Variants in VWC2 observed in about 807,000 individuals in gnomAD.
VWC2 encodes brorin.
In VWC2, 14 loss-of-function variants were observed where a neutral mutation model predicts 29.8. That is an observed-to-expected ratio of 0.47 (90% CI 0.31 to 0.74). The LOEUF is 0.74. Ranked by LOEUF, VWC2 falls within the 30% of genes least tolerant of loss-of-function variation. VWC2 has a pLI of 0.05. For missense variants in VWC2, 457 were observed against 459.8 expected (o/e 0.99, Z 0.05); for synonymous variants, 213 against 199.0 (o/e 1.07, Z -0.59).
At chr7:49,908,597 C>A (rs961501632) in intron 3 of VWC2, among the ~76,000 whole-genome samples, 16 of 151,716 alleles carry the variant, frequency 1.1e-4, no homozygotes, top group African/African-American at 3.9e-4. Context: ...TATCTGTGCC[C>A]ACCAAGAAGG....
At chr7:49,904,653 G>T (rs1229316666) in intron 3 of VWC2, among the ~76,000 whole-genome samples, 1 of 151,368 alleles carries the variant, frequency 6.6e-6, no homozygotes, top group African/African-American at 2.4e-5. Context: ...TATTCAAAAA[G>T]AACTTACCTA....
chr7:49,831,886 TC>T (rs1167599286), intron 3 of VWC2, among the ~76,000 whole-genome samples: 1 of 152,210 alleles, frequency 6.6e-6, no homozygotes, highest in Non-Finnish European at 1.5e-5. Flanking sequence ...AGAGTTTCTT[TC>T]TTTCACAGAC....
chr7:49,884,698 C>G (rs2128728297), intron 3 of VWC2, among the ~76,000 whole-genome samples: 1 of 152,232 alleles, frequency 6.6e-6, no homozygotes, highest in Non-Finnish European at 1.5e-5. Context: ...GTGTCAACAC[C>G]TGTGAGATTT....
chr7:49,795,316 C>G (rs1788563659), intron 2 of VWC2, among the ~76,000 whole-genome samples: 1 of 152,138 alleles, frequency 6.6e-6, no homozygotes, highest in Non-Finnish European at 1.5e-5. Flanking sequence ...TTAAAGAAGA[C>G]ATTGACAGAG....
chr7:49,815,194 C>T (rs185837704), intron 3 of VWC2, among the ~76,000 whole-genome samples: 172 of 152,240 alleles, frequency 1.1e-3, no homozygotes, highest in African/African-American at 4.1e-3. Flanking sequence ...CTTTAATGAT[C>T]TCACAGTCTA....
intron 3 of VWC2, among the ~76,000 whole-genome samples, chr7:49,902,692 A>T (rs538590197): frequency 6.6e-6 from 1 of 152,180 alleles, no homozygotes; most frequent in South Asian, 2.1e-4. Flanking sequence ...TTTAGGACGT[A>T]GGGCTTCTTG....
In VWC2 at chr7:49,915,020, G is replaced by A. The variant is rs2128744564; in HGVS notation, c.*2835G>A. On this transcript the variant is annotated 3_prime_UTR_variant, in exon 4 of 4. Coordinates refer to ENST00000340652, the MANE Select transcript of VWC2 (RefSeq NM_198570.5). ...ATTTCAAATTTTCAACCCATATTTA[G>A]ATCTGAAAGTATAAAGCTACTTATG... 1.3e-5 allele frequency: 2 copies of A among 152,260 alleles called. No individual in the cohort carries two copies. Among genetic ancestry groups the A allele is most frequent in the Admixed American group, 1.3e-4 (2 of 15,290 alleles). The allele number at this position is 152,260 out of a possible 1,614,324, so 9.4% of individuals were successfully genotyped here.
chr7:49,909,358 C>T (rs770023762), intron 3 of VWC2, among the ~76,000 whole-genome samples: 1 of 61,502 alleles, frequency 1.6e-5, no homozygotes, highest in Non-Finnish European at 3.4e-5. Flanking sequence ...ACAGCTCGAG[C>T]CAAAATATGA....
At chr7:49,818,714 G>C (rs936971279) in intron 3 of VWC2, among the ~76,000 whole-genome samples, 2 of 150,830 alleles carry the variant, frequency 1.3e-5, no homozygotes, top group African/African-American at 4.9e-5. Context: ...AAGTAAAATT[G>C]AAGATAAAAA....
chr7:49,823,656 G>T (rs1241528446), intron 3 of VWC2, among the ~76,000 whole-genome samples: 1 of 152,172 alleles, frequency 6.6e-6, no homozygotes, highest in Admixed American at 6.5e-5. Flanking sequence ...AGTAGATGTG[G>T]TGGTGGCTTA....
rs540731314 is a variant in VWC2 at position 49,782,227 on chromosome 7, C to A, written c.696+6096C>A. ...ATTTGTTTTCCAGCTGACCACACCCCCCTTGCAGATGTGTGATTCACCCAT... is the reference window on the plus strand; with the variant it reads ...ATTTGTTTTCCAGCTGACCACACCCACCTTGCAGATGTGTGATTCACCCAT... On this transcript the variant is annotated intron_variant, in intron 2 of 3. Transcript: ENST00000340652. 3.9e-5 allele frequency among the ~76,000 whole-genome samples: 6 copies of A among 152,288 alleles called. No individual in the cohort carries two copies. The South Asian group carries it at 1.2e-3, about 32-fold the overall frequency.
At chr7:49,846,351 G>T (rs1303021937) in intron 3 of VWC2, among the ~76,000 whole-genome samples, 1 of 152,186 alleles carries the variant, frequency 6.6e-6, no homozygotes, top group Non-Finnish European at 1.5e-5. Flanking sequence ...TCTGTGATCT[G>T]GTCTCTTAAC....
intron 2 of VWC2, among the ~76,000 whole-genome samples, chr7:49,778,133 T>G (rs1788090570): frequency 6.6e-6 from 1 of 151,930 alleles, no homozygotes; most frequent in Non-Finnish European, 1.5e-5. Context: ...CAATTCATGC[T>G]AAATGCTAGC....
chr7:49,875,395 A>AAAAAAAAAAAAAAAAAAAAAC, intron 3 of VWC2, among the ~76,000 whole-genome samples: 1 of 149,490 alleles, frequency 6.7e-6, no homozygotes, highest in African/African-American at 2.5e-5. Context: ...AAAAAAAAAA[A>AAAAAAAAAAAAAAAAAAAAAC]AACAGGAATA....
intron 3 of VWC2, among the ~76,000 whole-genome samples, chr7:49,852,270 G>A (rs1276122028): frequency 6.6e-6 from 1 of 152,198 alleles, no homozygotes. Context: ...AGCATCAGGG[G>A]GTCATGGTGG....
chr7:49,779,268 T>G (rs1036349918), intron 2 of VWC2, among the ~76,000 whole-genome samples: 4 of 152,214 alleles, frequency 2.6e-5, no homozygotes, highest in African/African-American at 9.6e-5. Context: ...CTGCATATTC[T>G]AAACTTGTTT....
At chr7:49,890,641 A>G (rs994551562) in intron 3 of VWC2, among the ~76,000 whole-genome samples, 1 of 152,166 alleles carries the variant, frequency 6.6e-6, no homozygotes, top group African/African-American at 2.4e-5. Flanking sequence ...ACTTTTAGCC[A>G]TGATGGAACA....
At chr7:49,875,364 T>C (rs1423790161) in intron 3 of VWC2, among the ~76,000 whole-genome samples, 1 of 12,184 alleles carries the variant, frequency 8.2e-5, no homozygotes, top group Admixed American at 9.3e-4. Context: ...AGTGAGATTC[T>C]GACTCAAAAA....
Position 49,788,164 on chromosome 7 carries a change from G to T in VWC2, c.696+12033G>T, listed in dbSNP as rs534686922. ...CACAGTGCCTGTCCACTCCTGGCTC[G>T]GGCTGTGGTCCAGCACTTCCTGGGT... On this transcript the variant is annotated intron_variant, in intron 2 of 3. Transcript: ENST00000340652. 3.9e-5 allele frequency among the ~76,000 whole-genome samples: 6 copies of T among 152,282 alleles called. No individual in the cohort carries two copies. The South Asian group carries it at 1.2e-3, about 32-fold the overall frequency.
Sources: allele counts gnomAD v4.1 joint callset (sites outside exome capture counted in the v4.1 genomes callset), GRCh38; gene constraint gnomAD v4.1.1; transcripts MANE v1.5; gene names NCBI Gene and HGNC (gene_info 2026-07-23, HGNC 2026-07-21).